ZNF286A: variants seen among roughly 807,000 people sequenced by gnomAD.
ZNF286A encodes the protein zinc finger protein ZNF286.
ZNF286A carries 34 observed loss-of-function variants against 49.3 expected under a neutral mutation model. That is an observed-to-expected ratio of 0.69 (90% confidence interval 0.52 to 0.92). ZNF286A has a LOEUF of 0.92. ZNF286A is among the 40% of genes least tolerant of loss of function. The pLI is 0.00. For missense variants in ZNF286A, 462 were observed against 600.2 expected (o/e 0.77, Z 2.41); for synonymous variants, 155 against 200.4 (o/e 0.77, Z 1.91).
chr17:15,716,042 T>A lies in ZNF286A; in HGVS notation c.335-17T>A. 6.2e-7 allele frequency: 1 copy of A among 1,613,858 alleles called. No homozygotes were observed. The highest frequency in any genetic ancestry group is 1.7e-5 in the Admixed American group (1 of 60,022). The stretch of plus-strand genomic sequence containing the variant: ...GCACAGAAAACGAAGGAAATTTGCA[T>A]TTCCAATGTCTTTCAGACATGGAGA... On this transcript the variant is annotated splice_polypyrimidine_tract_variant and intron_variant, in intron 5 of 5. Transcript: ENST00000583566.
intron 4 of ZNF286A, 122 bp from the exon 5 acceptor site, chr17:15,708,029 AAAAG>A (rs146540547): frequency 0.082 from 42,963 of 526,006 alleles, 2,565 homozygotes; most frequent in African/African-American, 0.21. Context: ...AAATTAAAAA[AAAAG>A]AAAGAAAGTT....
Position 15,719,389 on chromosome 17 carries a change from G to T in ZNF286A, c.*2099G>T, listed in dbSNP as rs1217377093. The T allele has an allele frequency of 6.9e-6, 1 of 145,794 alleles. No individual in the cohort carries two copies. Among genetic ancestry groups the T allele is most frequent in the African/African-American group, 2.6e-5 (1 of 38,642 alleles). 9.0% of individuals were successfully genotyped at this position (145,794 alleles called of 1,614,324 possible). ...TCAGAACTGAGTAGCTGCAGCGGAG[G>T]TTGTGCCTCTGGGCTTTAATATCAC... On this transcript the variant is annotated 3_prime_UTR_variant, in exon 6 of 6. Transcript: ENST00000583566.
At chr17:15,708,352 T>A (rs967217211) in intron 5 of ZNF286A, 105 bp downstream of exon 5, 20 of 807,448 alleles carry the variant, frequency 2.5e-5, no homozygotes, top group Non-Finnish European at 3.5e-5. Flanking sequence ...ATTTTTAAAT[T>A]TTTTTAAAAT....
At chr17:15,712,385 G>A (rs1426185517) in intron 5 of ZNF286A, among the ~76,000 whole-genome samples, 1 of 152,098 alleles carries the variant, frequency 6.6e-6, no homozygotes, top group East Asian at 1.9e-4. Context: ...GCTCTCCTCA[G>A]GGCTGTTCTC....
At chr17:15,707,313 G>C (rs1454464756) in intron 4 of ZNF286A, among the ~76,000 whole-genome samples, 1 of 151,914 alleles carries the variant, frequency 6.6e-6, no homozygotes, top group Non-Finnish European at 1.5e-5. Flanking sequence ...GGTGGCGGGC[G>C]CCTGTAGTCC....
At chr17:15,708,120 C>T in intron 4 of ZNF286A, 35 bp from the exon 5 acceptor site, 1 of 1,479,158 alleles carries the variant, frequency 6.8e-7, no homozygotes, top group Non-Finnish European at 9.0e-7. Flanking sequence ...CCATTACTTT[C>T]TTCTTTCTGT....
At chr17:15,703,331 A>G (rs1254579362) in intron 3 of ZNF286A, among the ~76,000 whole-genome samples, 1 of 152,052 alleles carries the variant, frequency 6.6e-6, no homozygotes, top group Non-Finnish European at 1.5e-5. Context: ...GATTGAACCT[A>G]TTATGGAAAA....
At position 15,707,239 on chromosome 17, in the gene ZNF286A, G is replaced by A. The variant is rs370922563; in HGVS notation, c.241+738G>A. ...GTGGATCACGAGGTCAGGAGATCGA[G>A]ACCATCCTGGCTAACACGGTGAAAC... is the stretch of plus-strand genomic sequence containing the variant. On this transcript the variant is annotated intron_variant, in intron 4 of 5. Coordinates refer to ENST00000583566, the MANE Select transcript of ZNF286A (RefSeq NM_001130842.2). 2.6e-3 allele frequency among the ~76,000 whole-genome samples: 399 copies of A among 152,224 alleles called. 7 individuals are homozygous for A. The East Asian group carries it at 0.041, about 16-fold the overall frequency.
chr17:15,703,507 CACAG>C (rs1989945654), intron 3 of ZNF286A, among the ~76,000 whole-genome samples: 1 of 151,600 alleles, frequency 6.6e-6, no homozygotes, highest in Non-Finnish European at 1.5e-5. Flanking sequence ...AAGTGAACAA[CACAG>C]ACATACAGAA....
intron 2 of ZNF286A, chr17:15,700,827 A>G: frequency 3.4e-6 from 1 of 297,338 alleles, no homozygotes; most frequent in Non-Finnish European, 6.2e-6. Context: ...GGGTCCAGCA[A>G]TCTACATTAT....
At chr17:15,704,416 C>T in intron 3 of ZNF286A, 1 of 1,606,866 alleles carries the variant, frequency 6.2e-7, no homozygotes, top group South Asian at 1.1e-5. Context: ...GGCCCTGCCG[C>T]TGGGCCCGCC....
Position 15,716,383 on chromosome 17 carries a change from T to G in ZNF286A, c.659T>G (p.Leu220Arg). The change falls in exon 6 of 6, where the codon CTT (leucine) becomes CGT (arginine). Residue 220 changes from leucine (L) to arginine (R), a missense_variant. Around this residue, in one of 3 missense-constraint regions of ZNF286A, gnomAD observed 259 missense variants for 272.2 expected, o/e 0.95. Transcript: ENST00000583566. ...AAAGGATCTTATGCCTTCCATACACTTGAAAAAAGCTTGAAACAAAAATCA... is the reference window on the plus strand; with the variant it reads ...AAAGGATCTTATGCCTTCCATACACGTGAAAAAAGCTTGAAACAAAAATCA... ...VPKGSYAFHT[L>R]EKSLKQKSNL... The G allele has an allele frequency of 6.2e-7, 1 of 1,613,478 alleles. No individual in the cohort carries two copies. Among genetic ancestry groups the G allele is most frequent in the South Asian group, 1.1e-5 (1 of 91,034 alleles).
At position 15,706,424 on chromosome 17, in the gene ZNF286A, C is replaced by T; in HGVS notation, c.164C>T (p.Thr55Ile). 6.2e-7 allele frequency: 1 copy of T among 1,613,932 alleles called. No homozygotes were observed. Residue 55 changes from threonine to isoleucine, a missense_variant, in exon 4 of 6, where the codon ACA (threonine) becomes ATA (isoleucine). Transcript: ENST00000583566. ...VTFKDVAMDF[T>I]PEEWGKLDPA... is the part of the protein sequence containing the mutation. Reference sequence around the variant, plus strand: ...TTCAAGGATGTGGCCATGGACTTTACACCAGAGGAGTGGGGGAAGCTGGAT... The same window carrying T: ...TTCAAGGATGTGGCCATGGACTTTATACCAGAGGAGTGGGGGAAGCTGGAT...
intron 3 of ZNF286A, among the ~76,000 whole-genome samples, chr17:15,704,063 A>ATT (rs1214012896): frequency 1.9e-4 from 20 of 103,816 alleles, no homozygotes; most frequent in African/African-American, 5.5e-4. Context: ...TATTATTATT[A>ATT]TTATTTTTTT....
In ZNF286A at chr17:15,716,428, G is replaced by T. The variant is rs1415040161; in HGVS notation, c.704G>T (p.Arg235Ile). ...KQKSNLMKKQ[R>I]TYKEKKPHKC... is the part of the protein sequence containing the mutation. The stretch of plus-strand genomic sequence containing the variant: ...AAATCAAACTTAATGAAAAAGCAGA[G>T]AACTTATAAAGAGAAAAAACCTCAT... The change falls in exon 6 of 6, where the codon AGA becomes ATA. Residue 235 changes from arginine to isoleucine, a missense_variant. Arg to Ile is a moderately conservative substitution (Grantham distance 97). Around this residue, in one of 3 missense-constraint regions of ZNF286A, gnomAD observed 259 missense variants for 272.2 expected, o/e 0.95. Coordinates refer to ENST00000583566, the MANE Select transcript of ZNF286A (RefSeq NM_001130842.2). 6 of 1,613,200 alleles carry T rather than the reference G, an allele frequency of 3.7e-6. No individual in the cohort carries two copies. In the East Asian group the frequency reaches 1.1e-4, roughly 30 times the overall value.
Position 15,718,757 on chromosome 17 carries a change from G to A in ZNF286A, c.*1467G>A, listed in dbSNP as rs1967214696. The A allele has an allele frequency of 1.3e-5, 2 of 148,980 alleles. No individual in the cohort carries two copies. The highest frequency in any genetic ancestry group is 3.0e-5 in the Non-Finnish European group (2 of 67,740). 9.2% of individuals were successfully genotyped at this position (148,980 alleles called of 1,614,324 possible). A position where few individuals can be genotyped will look rare whatever the true frequency, so the allele number is the denominator to read the frequency against. The stretch of plus-strand genomic sequence containing the variant: ...GTCTGTATCGGTTCAATCTCACACT[G>A]CTATAAAGAAATGCCTGAGACTGGG... On this transcript the variant is annotated 3_prime_UTR_variant, in exon 6 of 6. Transcript: ENST00000583566.
chr17:15,705,113 A>G (rs1189619592), intron 3 of ZNF286A, among the ~76,000 whole-genome samples: 1 of 152,114 alleles, frequency 6.6e-6, no homozygotes, highest in African/African-American at 2.4e-5. Context: ...TATTTCTTAA[A>G]TCTTAGATTA....
intron 1 of ZNF286A, 92 bp downstream of exon 1, chr17:15,699,869 G>A (rs1989631180): frequency 1.4e-6 from 1 of 701,532 alleles, no homozygotes; most frequent in African/African-American, 1.7e-5. Flanking sequence ...TAGAGTGCGC[G>A]TTTGTTAAAG....
rs1967155114 is a variant in ZNF286A, at chr17:15,717,930, A to ATTTGTT, written c.*643_*644insGTTTTT. 1 of 97,006 alleles carries ATTTGTT rather than the reference A, an allele frequency of 1.0e-5. No homozygotes were observed. Among genetic ancestry groups the ATTTGTT allele is most frequent in the African/African-American group, 4.4e-5 (1 of 22,662 alleles). 6.0% of individuals were successfully genotyped at this position (97,006 alleles called of 1,614,324 possible). A position where few individuals can be genotyped will look rare whatever the true frequency, so the allele number is the denominator to read the frequency against. On this transcript the variant is annotated 3_prime_UTR_variant, in exon 6 of 6. Coordinates refer to ENST00000583566, the MANE Select transcript of ZNF286A (RefSeq NM_001130842.2). ...TTCACATGGATTATGTACATCATTG[A>ATTTGTT]TTTTTTTTTTTTTTTTTTTTTGAGA...
Sources: gnomAD v4.1 joint callset for allele counts (sites outside exome capture counted in the v4.1 genomes callset) on GRCh38, gnomAD v4.1.1 for gene constraint, gnomAD v4.1.1 regional missense constraint, MANE v1.5 for transcripts, NCBI Gene and HGNC (gene_info 2026-07-23, HGNC 2026-07-21) for gene names.